The following NOL4 variants were observed in gnomAD, a reference collection of about 807,000 sequenced individuals.
NOL4 encodes the protein nucleolar protein 4.
Under a neutral mutation model 75.9 loss-of-function variants are expected in NOL4, and 17 were observed. The ratio of observed to expected loss-of-function variants is 0.22; its 90% CI spans 0.15 to 0.34. The LOEUF (loss-of-function observed/expected upper bound fraction) is 0.34, where lower values mean the gene tolerates loss of function less well. NOL4 is among the 10% of genes least tolerant of loss of function. The pLI is 1.00. For synonymous variants in NOL4, 292 were observed against 289.9 expected, an observed-to-expected ratio of 1.01 and a Z score of -0.07; for missense variants, 614 against 793.5, an observed-to-expected ratio of 0.77 and a Z score of 2.72.
chr18:33,979,601 A>ATT (rs959772753), intron 6 of NOL4, among the ~76,000 whole-genome samples: 1 of 149,318 alleles, frequency 6.7e-6, no homozygotes, highest in Non-Finnish European at 1.5e-5. Context: ...GGAACTTAGA[A>ATT]TTTTTTTTTT....
At chr18:34,114,080 T>G (rs1035267255) in intron 2 of NOL4, among the ~76,000 whole-genome samples, 1 of 152,210 alleles carries the variant, frequency 6.6e-6, no homozygotes, top group African/African-American at 2.4e-5. Flanking sequence ...CTAAAAATAC[T>G]ATTCTACTAA....
intron 9 of NOL4, among the ~76,000 whole-genome samples, chr18:33,895,841 G>A (rs771920957): frequency 3.3e-5 from 5 of 151,906 alleles, no homozygotes; most frequent in Non-Finnish European, 4.4e-5. Context: ...AAGCACATCC[G>A]ATTATGAAGA....
At chr18:33,903,810 T>C (rs953806207) in intron 9 of NOL4, among the ~76,000 whole-genome samples, 1 of 152,102 alleles carries the variant, frequency 6.6e-6, no homozygotes, top group African/African-American at 2.4e-5. Flanking sequence ...CTTCAGAATT[T>C]AAAAACAATT....
intron 1 of NOL4, among the ~76,000 whole-genome samples, chr18:34,197,507 G>A (rs1320599078): frequency 3.9e-5 from 6 of 151,904 alleles, no homozygotes; most frequent in African/African-American, 9.7e-5. Context: ...AACGAATAGT[G>A]GCAGAAAATT....
intron 9 of NOL4, among the ~76,000 whole-genome samples, chr18:33,910,708 C>A (rs1400605574): frequency 6.6e-6 from 1 of 152,166 alleles, no homozygotes; most frequent in Non-Finnish European, 1.5e-5. Context: ...AACTGGTGAG[C>A]AATGAGTATA....
chr18:33,878,277 C>T (rs2064049815), intron 10 of NOL4, among the ~76,000 whole-genome samples: 1 of 152,096 alleles, frequency 6.6e-6, no homozygotes, highest in Non-Finnish European at 1.5e-5. Context: ...TCTCAAAATA[C>T]TCTTTCAAAG....
At chr18:34,075,425 C>T (rs1275092050) in intron 5 of NOL4, among the ~76,000 whole-genome samples, 1 of 151,820 alleles carries the variant, frequency 6.6e-6, no homozygotes, top group African/African-American at 2.4e-5. Context: ...GTCTTTTTTC[C>T]CTCTGAGAAT....
intron 5 of NOL4, among the ~76,000 whole-genome samples, chr18:34,052,979 G>C (rs900909325): frequency 6.6e-6 from 1 of 152,036 alleles, no homozygotes; most frequent in African/African-American, 2.4e-5. Flanking sequence ...GAGAGCCCAA[G>C]ATCCCTGAGG....
At chr18:34,167,788 G>A (rs895479497) in intron 1 of NOL4, among the ~76,000 whole-genome samples, 3 of 152,040 alleles carry the variant, frequency 2.0e-5, no homozygotes, top group Admixed American at 2.0e-4. Context: ...TCTGAGGACT[G>A]GAGGGAGTAG....
intron 5 of NOL4, among the ~76,000 whole-genome samples, chr18:34,061,150 G>A (rs1009657088): frequency 6.6e-6 from 1 of 152,030 alleles, no homozygotes; most frequent in African/African-American, 2.4e-5. Context: ...TCACTTAAAT[G>A]TTATAAGATA....
chr18:34,166,643 G>A (rs1750788725), intron 1 of NOL4, among the ~76,000 whole-genome samples: 1 of 151,986 alleles, frequency 6.6e-6, no homozygotes, highest in African/African-American at 2.4e-5. Flanking sequence ...AACAAATATG[G>A]AATAATTTAC....
chr18:34,097,808 T>C (rs1317793477), intron 4 of NOL4, among the ~76,000 whole-genome samples: 2 of 152,166 alleles, frequency 1.3e-5, no homozygotes, highest in Non-Finnish European at 2.9e-5. Flanking sequence ...GTTTCATATA[T>C]CACATTCCTT....
intron 4 of NOL4, among the ~76,000 whole-genome samples, chr18:34,097,255 C>A (rs1189237469): frequency 2.0e-5 from 3 of 152,162 alleles, no homozygotes; most frequent in Admixed American, 6.5e-5. Context: ...CCACTCCCAC[C>A]AATCTTCTCT....
intron 1 of NOL4, among the ~76,000 whole-genome samples, chr18:34,185,197 C>CT (rs2034360863): frequency 1.3e-5 from 2 of 152,142 alleles, no homozygotes; most frequent in South Asian, 4.1e-4. Flanking sequence ...TGTGAAGGAG[C>CT]TGAGATTGTG....
intron 9 of NOL4, among the ~76,000 whole-genome samples, chr18:33,916,187 A>G (rs914011066): frequency 6.6e-6 from 1 of 152,084 alleles, no homozygotes; most frequent in African/African-American, 2.4e-5. Context: ...CTGATTGGGG[A>G]AAGTTAGTCT....
intron 1 of NOL4, among the ~76,000 whole-genome samples, chr18:34,162,193 C>A (rs1478209658): frequency 6.6e-6 from 1 of 151,984 alleles, no homozygotes; most frequent in Non-Finnish European, 1.5e-5. Context: ...AAAGCAAGAG[C>A]AAACACATTC....
intron 6 of NOL4, among the ~76,000 whole-genome samples, chr18:33,966,123 T>C (rs559267948): frequency 1.3e-5 from 2 of 152,318 alleles, no homozygotes; most frequent in South Asian, 4.1e-4. Context: ...TTTAGAGCAT[T>C]GTTTTAGGTT....
At chr18:34,048,811 T>C (rs968653642) in intron 5 of NOL4, among the ~76,000 whole-genome samples, 32 of 152,172 alleles carry the variant, frequency 2.1e-4, no homozygotes, top group African/African-American at 7.7e-4. Flanking sequence ...TACAGGGAGA[T>C]CACTGGTTAA....
intron 5 of NOL4, among the ~76,000 whole-genome samples, chr18:34,022,542 C>T (rs886821758): frequency 6.6e-6 from 1 of 152,076 alleles, no homozygotes; most frequent in South Asian, 2.1e-4. Flanking sequence ...AATTCAAATT[C>T]TTACGCTAAA....
Sources: gnomAD v4.1 joint callset for allele counts (sites outside exome capture counted in the v4.1 genomes callset) on GRCh38, gnomAD v4.1.1 for gene constraint, MANE v1.5 for transcripts, NCBI Gene and HGNC (gene_info 2026-07-23, HGNC 2026-07-21) for gene names.